The following WDR43 variants were observed in gnomAD, a reference collection of about 807,000 sequenced individuals.
WDR43 encodes the protein WD repeat domain 43.
A neutral mutation model predicts 91.4 loss-of-function variants in WDR43; 13 were observed. The observed-to-expected ratio is 0.14, with a 90% CI of 0.09 to 0.23. The LOEUF is 0.23. Ranked by LOEUF, WDR43 falls within the 10% of genes least tolerant of loss-of-function variation. WDR43 has a pLI of 1.00. For missense variants in WDR43, 780 were observed against 809.4 expected, an observed-to-expected ratio of 0.96 and a Z score of 0.44; for synonymous variants, 331 against 287.9, an observed-to-expected ratio of 1.15 and a Z score of -1.51.
intron 14 of WDR43, 59 bp downstream of exon 14, chr2:28,938,053 A>G: frequency 1.3e-6 from 2 of 1,566,624 alleles, no homozygotes; most frequent in Non-Finnish European, 1.8e-6. Context: ...TAAGGATTGT[A>G]AACTTTGACA....
At position 28,894,917 on chromosome 2, in the gene WDR43, G is replaced by C; in HGVS notation, c.219G>C (p.Gln73His). 1 of 1,588,238 alleles carries C rather than the reference G, an allele frequency of 6.3e-7. No individual in the cohort carries two copies. Among genetic ancestry groups the C allele is most frequent in the South Asian group, 1.1e-5 (1 of 87,798 alleles). Residue 73 changes from glutamine (Q) to histidine (H), a missense_variant, in exon 1 of 18, where the codon CAG becomes CAC. By Grantham distance (24) the Gln-to-His change is conservative. Transcript: ENST00000407426. ...TGGCCTGGGCGCCAGCGCGGCTGCAGGCCAAGGTAAAGCGAGCGGGACTGC... is the reference window on the plus strand; with the variant it reads ...TGGCCTGGGCGCCAGCGCGGCTGCACGCCAAGGTAAAGCGAGCGGGACTGC... ...TCLAWAPARLQAKESPQRKKR... is the reference protein window; with the variant it reads ...TCLAWAPARLHAKESPQRKKR...
chr2:28,912,987 CTG>C, intron 4 of WDR43, among the ~76,000 whole-genome samples: 1 of 131,084 alleles, frequency 7.6e-6, no homozygotes, highest in Admixed American at 8.7e-5. Flanking sequence ...GAGTCTCACT[CTG>C]TCACCCAGGC....
At chr2:28,927,080 A>G (rs1019342183) in intron 9 of WDR43, 4 of 519,498 alleles carry the variant, frequency 7.7e-6, no homozygotes, top group Non-Finnish European at 1.5e-5. Context: ...CTATGATGAC[A>G]TCCATATGGT....
At chr2:28,937,496 C>CT (rs1671357240) in intron 13 of WDR43, among the ~76,000 whole-genome samples, 1 of 151,910 alleles carries the variant, frequency 6.6e-6, no homozygotes, top group Admixed American at 6.6e-5. Context: ...TTAATTATGA[C>CT]TTTTTTGCAC....
chr2:28,906,016 T>C (rs573115946), intron 2 of WDR43, among the ~76,000 whole-genome samples: 2 of 152,358 alleles, frequency 1.3e-5, no homozygotes, highest in East Asian at 3.9e-4. Context: ...GTTAAAGCTT[T>C]TAGTTAGGTT....
chr2:28,929,657 T>C lies in WDR43; in HGVS notation c.1384T>C (p.Phe462Leu). The change falls in exon 11 of 18, where the codon TTT becomes CTT. Residue 462 changes from phenylalanine (F) to leucine (L), a missense_variant. By Grantham distance (22) the Phe-to-Leu change is conservative (BLOSUM62 0). Coordinates refer to ENST00000407426, the MANE Select transcript of WDR43 (RefSeq NM_015131.3). ...KGKEDLQTNS[F>L]PVLLTQGLES... is the part of the protein sequence containing the mutation. Reference sequence around the variant, plus strand: ...AAAGGAAGACCTCCAGACGAATAGCTTTCCAGTTCTTCTTACCCAGGGCTT... The same window carrying C: ...AAAGGAAGACCTCCAGACGAATAGCCTTCCAGTTCTTCTTACCCAGGGCTT... 1 of 1,613,846 alleles carries C rather than the reference T, an allele frequency of 6.2e-7. No individual in the cohort carries two copies. The highest frequency in any genetic ancestry group is 1.1e-5 in the South Asian group (1 of 91,070).
intron 16 of WDR43, among the ~76,000 whole-genome samples, chr2:28,944,762 G>A (rs1671510725): frequency 6.6e-6 from 1 of 152,244 alleles, no homozygotes; most frequent in Admixed American, 6.5e-5. Context: ...CCGCGATACT[G>A]CAACATTCGA....
At chr2:28,938,789 G>T (rs555317577) in intron 14 of WDR43, among the ~76,000 whole-genome samples, 1 of 152,334 alleles carries the variant, frequency 6.6e-6, no homozygotes, top group East Asian at 1.9e-4. Flanking sequence ...TCAGCAGTTT[G>T]TTCTTTGTGT....
chr2:28,923,237 G>A (rs143755139), intron 7 of WDR43, among the ~76,000 whole-genome samples: 91 of 152,310 alleles, frequency 6.0e-4, no homozygotes, highest in African/African-American at 2.1e-3. Context: ...ATACATTTCA[G>A]AAGAAAGTGG....
intron 16 of WDR43, among the ~76,000 whole-genome samples, chr2:28,942,625 T>C (rs1372991925): frequency 6.6e-6 from 1 of 150,890 alleles, no homozygotes; most frequent in Non-Finnish European, 1.5e-5. Context: ...TTTTCTTTTT[T>C]TTTTTTTTTA....
At chr2:28,918,154 C>G (rs1317604987) in intron 6 of WDR43, among the ~76,000 whole-genome samples, 159 bp downstream of exon 6, 1 of 152,098 alleles carries the variant, frequency 6.6e-6, no homozygotes, top group Non-Finnish European at 1.5e-5. Context: ...ACTTAAATCA[C>G]TGTAATAATC....
At position 28,929,623 on chromosome 2, in the gene WDR43, C is replaced by G; in HGVS notation, c.1350C>G (p.His450Gln). 6.2e-7 allele frequency: 1 copy of G among 1,613,278 alleles called. No individual in the cohort carries two copies. The change falls in exon 11 of 18, where the codon CAC (histidine) becomes CAG (glutamine). Residue 450 changes from histidine to glutamine, a missense_variant. His to Gln is a conservative substitution (Grantham distance 24). This residue lies in a region of WDR43 where 426 missense variants were observed against 467.8 expected (regional missense o/e 0.91). Coordinates refer to ENST00000407426, the MANE Select transcript of WDR43 (RefSeq NM_015131.3). ...ERLGAMDIDT[H>Q]KKGKEDLQTN... ...TGGGAGCAATGGATATAGACACACA[C>G]AAAAAAGGAAAGGAAGACCTCCAGA... is the stretch of plus-strand genomic sequence containing the variant.
rs1671437388 is a variant in WDR43, at chr2:28,941,556, T to C, written c.1716T>C (p.Leu572=). ...AACTTTCACACCTTCATGGAAAGCTTATTCTTCTAATTACACAAGTGAGTA... is the reference window on the plus strand; with the variant it reads ...AACTTTCACACCTTCATGGAAAGCTCATTCTTCTAATTACACAAGTGAGTA... ...FQKLSHLHGK[L]ILLITQVTAS... is the part of the protein sequence containing the mutation. Residue 572 remains leucine, a synonymous_variant, in exon 15 of 18, where the codon CTT becomes CTC. Transcript: ENST00000407426. 2 of 1,611,626 alleles carry C rather than the reference T, an allele frequency of 1.2e-6. No homozygotes were observed. The highest frequency in any genetic ancestry group is 1.7e-6 in the Non-Finnish European group (2 of 1,178,718).
chr2:28,931,077 CTT>C (rs777986889), intron 11 of WDR43, among the ~76,000 whole-genome samples: 15 of 137,746 alleles, frequency 1.1e-4, no homozygotes, highest in Admixed American at 2.2e-4. Flanking sequence ...TTTATTTCTG[CTT>C]TTTTTTTTTT....
At chr2:28,913,795 T>C in intron 4 of WDR43, 3 of 621,258 alleles carry the variant, frequency 4.8e-6, no homozygotes, top group South Asian at 4.1e-5. Context: ...AATCTTTAAT[T>C]CAAGAATGTA....
chr2:28,935,447 CAG>C, intron 11 of WDR43, 72 bp from the exon 12 acceptor site: 1 of 1,082,018 alleles, frequency 9.2e-7, no homozygotes, highest in East Asian at 2.5e-5. Flanking sequence ...TTCATTTTTA[CAG>C]ACTTTTTTTT....
intron 6 of WDR43, among the ~76,000 whole-genome samples, chr2:28,919,602 G>C (rs939272622): frequency 4.6e-5 from 7 of 151,910 alleles, no homozygotes; most frequent in Admixed American, 3.9e-4. Context: ...CTTGCAGTGA[G>C]CCGAGATAGT....
chr2:28,931,927 G>A (rs933352363), intron 11 of WDR43, among the ~76,000 whole-genome samples: 1 of 148,682 alleles, frequency 6.7e-6, no homozygotes, highest in African/African-American at 2.5e-5. Context: ...CACCCAGGCT[G>A]GAAGAGCAGT....
chr2:28,919,094 C>CA (rs1257317917), intron 6 of WDR43, among the ~76,000 whole-genome samples: 1 of 151,948 alleles, frequency 6.6e-6, no homozygotes, highest in Non-Finnish European at 1.5e-5. Flanking sequence ...CCTGTCTCTA[C>CA]AAAAAATAAA....
Sources: allele counts gnomAD v4.1 joint callset (sites outside exome capture counted in the v4.1 genomes callset), GRCh38; gene constraint gnomAD v4.1.1; regional missense constraint gnomAD v4.1.1; transcripts MANE v1.5; gene names NCBI Gene and HGNC (gene_info 2026-07-23, HGNC 2026-07-21).